The following PBLD variants were observed in gnomAD, a reference collection of about 807,000 sequenced individuals.
The protein encoded by PBLD is phenazine biosynthesis-like domain-containing protein.
A neutral mutation model predicts 31.3 loss-of-function variants in PBLD; 26 were observed. The observed-to-expected ratio is 0.83, with a 90% CI of 0.61 to 1.15. The LOEUF is 1.15. PBLD is among the 50% of genes most tolerant of loss of function. The pLI is 0.00. For synonymous variants in PBLD, 114 were observed against 129.0 expected (o/e 0.88, Z 0.79); for missense variants, 307 against 351.7 (o/e 0.87, Z 1.02).
chr10:68,315,815 A>C (rs1444198521), intron 1 of PBLD, among the ~76,000 whole-genome samples: 1 of 152,154 alleles, frequency 6.6e-6, no homozygotes, highest in Non-Finnish European at 1.5e-5. Flanking sequence ...CAGCATGTAC[A>C]ACTGAGTCCA....
chr10:68,291,494 C>T (rs1221776227), intron 6 of PBLD, among the ~76,000 whole-genome samples: 1 of 152,086 alleles, frequency 6.6e-6, no homozygotes. Flanking sequence ...AAACTGGGGA[C>T]ACTGACAGCT....
At chr10:68,297,959 T>TTAA (rs113480498) in intron 2 of PBLD, among the ~76,000 whole-genome samples, 6 of 148,198 alleles carry the variant, frequency 4.0e-5, no homozygotes, top group Non-Finnish European at 8.9e-5. Flanking sequence ...AAGATTTAAA[T>TTAA]AAAAAAAAAA....
At chr10:68,298,559 A>G (rs1786113938) in intron 2 of PBLD, among the ~76,000 whole-genome samples, 1 of 152,192 alleles carries the variant, frequency 6.6e-6, no homozygotes, top group African/African-American at 2.4e-5. Flanking sequence ...GTAGGTTTTT[A>G]ATTTTTCAAA....
intron 6 of PBLD, 24 bp downstream of exon 6, chr10:68,291,984 GCT>G (rs2044364012): frequency 1.9e-6 from 3 of 1,558,048 alleles, no homozygotes; most frequent in Non-Finnish European, 2.7e-6. Context: ...AAATAACTAG[GCT>G]CAGGTTTGAT....
chr10:68,309,874 A>C (rs1433572831), intron 1 of PBLD, among the ~76,000 whole-genome samples: 2 of 149,766 alleles, frequency 1.3e-5, no homozygotes, highest in African/African-American at 4.9e-5. Context: ...GGCGGCTCAC[A>C]CCTGTCATCC....
chr10:68,326,977 T>C (rs2044931095), intron 1 of PBLD, among the ~76,000 whole-genome samples: 1 of 151,634 alleles, frequency 6.6e-6, no homozygotes, highest in African/African-American at 2.4e-5. Flanking sequence ...AACCAGGGAG[T>C]CAAGGGTTGC....
At chr10:68,309,273 G>A (rs2044627113) in intron 1 of PBLD, among the ~76,000 whole-genome samples, 1 of 149,294 alleles carries the variant, frequency 6.7e-6, no homozygotes, top group African/African-American at 2.5e-5. Context: ...CAGGTGTGCT[G>A]GCTCGTGCCT....
intron 6 of PBLD, among the ~76,000 whole-genome samples, 170 bp downstream of exon 6, chr10:68,291,840 G>A (rs1477578103): frequency 6.6e-6 from 1 of 152,024 alleles, no homozygotes; most frequent in Non-Finnish European, 1.5e-5. Context: ...CAGGAGCCAA[G>A]GAAAACTGGT....
At chr10:68,306,177 C>T (rs939177443) in intron 2 of PBLD, among the ~76,000 whole-genome samples, 18 of 149,542 alleles carry the variant, frequency 1.2e-4, no homozygotes, top group Non-Finnish European at 2.5e-4. Context: ...TTAACTATTC[C>T]ATTAATATTT....
intron 1 of PBLD, among the ~76,000 whole-genome samples, chr10:68,318,143 T>C (rs2044761733): frequency 6.7e-6 from 1 of 149,658 alleles, no homozygotes; most frequent in Admixed American, 6.6e-5. Context: ...AGGAGAATGG[T>C]GAGAACCTGG....
At chr10:68,302,120 T>C (rs1051913852) in intron 2 of PBLD, among the ~76,000 whole-genome samples, 1 of 152,262 alleles carries the variant, frequency 6.6e-6, no homozygotes, top group Non-Finnish European at 1.5e-5. Flanking sequence ...CTGGCTTTTC[T>C]TTTCAGCAAT....
At chr10:68,302,421 A>ATGACAGTCCCGACT (rs1177854297) in intron 2 of PBLD, among the ~76,000 whole-genome samples, 1 of 152,218 alleles carries the variant, frequency 6.6e-6, no homozygotes, top group Non-Finnish European at 1.5e-5. Context: ...CAACCTGAAT[A>ATGACAGTCCCGACT]TGACAGTCCC....
intron 4 of PBLD, among the ~76,000 whole-genome samples, chr10:68,295,608 A>T (rs1428630155): frequency 1.3e-5 from 2 of 152,128 alleles, no homozygotes; most frequent in Non-Finnish European, 2.9e-5. Flanking sequence ...CTCATATCGT[A>T]TGAGATGACA....
chr10:68,286,127 G>GC (rs2044285389), intron 8 of PBLD, among the ~76,000 whole-genome samples: 2 of 119,828 alleles, frequency 1.7e-5, no homozygotes, highest in Non-Finnish European at 1.6e-5. Context: ...TCGCTCTGTC[G>GC]CCCAGGCTGG....
chr10:68,290,488 C>T (rs182368258), intron 6 of PBLD, among the ~76,000 whole-genome samples: 83 of 152,226 alleles, frequency 5.5e-4, no homozygotes, highest in Admixed American at 9.2e-4. Context: ...GAGGCCGAGG[C>T]AGGCGGATCA....
chr10:68,304,568 AAG>A (rs987939007), intron 2 of PBLD, among the ~76,000 whole-genome samples: 91 of 152,356 alleles, frequency 6.0e-4, no homozygotes, highest in African/African-American at 2.1e-3. Flanking sequence ...GATAGGTAGA[AAG>A]AGAGAGAAAA....
At chr10:68,317,319 C>T (rs57117314) in intron 1 of PBLD, among the ~76,000 whole-genome samples, 8,960 of 152,086 alleles carry the variant, frequency 0.059, 925 homozygotes, top group African/African-American at 0.21. Context: ...AGTGGGAGTC[C>T]TTCAGGCTAA....
At position 68,317,650 on chromosome 10, in the gene PBLD, A is replaced by G. The variant is rs58109287; in HGVS notation, c.-59-10747T>C. Among the ~76,000 whole-genome samples the G allele has an allele frequency of 9.2e-5, 14 of 152,004 alleles. No homozygotes were observed. The East Asian group carries it at 2.7e-3, about 30-fold the overall frequency. ...GTCTCTACCAAAAAAAATTACAAAA[A>G]TTAGGTGGGCATGGTCATGTGCCTG... On this transcript the variant is annotated intron_variant, in intron 1 of 9. Coordinates refer to ENST00000358769, the MANE Select transcript of PBLD (RefSeq NM_022129.4).
intron 2 of PBLD, among the ~76,000 whole-genome samples, chr10:68,299,286 G>T (rs10733842): frequency 0.79 from 119,589 of 151,792 alleles, 47,709 homozygotes; most frequent in Middle Eastern, 0.86. Context: ...TCTTTCTAAC[G>T]GAAATCTACT....
Sources: gnomAD v4.1 joint callset for allele counts (sites outside exome capture counted in the v4.1 genomes callset) on GRCh38, gnomAD v4.1.1 for gene constraint, MANE v1.5 for transcripts, NCBI Gene and HGNC (gene_info 2026-07-23, HGNC 2026-07-21) for gene names.